Variants in USP7 observed in about 807,000 individuals in gnomAD.
USP7 encodes the protein ubiquitin specific peptidase 7, also known as ubiquitin C-terminal hydrolase 7.
Under a neutral mutation model 162.9 loss-of-function variants are expected in USP7, and 9 were observed. That is an observed-to-expected ratio of 0.06 (90% confidence interval 0.03 to 0.10). USP7 has a LOEUF of 0.10. Ranked by LOEUF, USP7 falls within the 10% of genes least tolerant of loss-of-function variation. USP7 has a pLI of 1.00. For missense variants in USP7, 715 were observed against 1,373.7 expected (o/e 0.52, Z 7.58); for synonymous variants, 562 against 475.9 (o/e 1.18, Z -2.35).
At chr16:8,899,073 G>A (rs1178828708) in intron 23 of USP7, 48 bp downstream of exon 23, 5 of 1,577,952 alleles carry the variant, frequency 3.2e-6, no homozygotes, top group South Asian at 1.1e-5. Context: ...AATGAACTGT[G>A]GAAAGCATGC....
intron 12 of USP7, among the ~76,000 whole-genome samples, chr16:8,907,957 A>G (rs75172776): frequency 0.06 from 9,170 of 152,376 alleles, 316 homozygotes; most frequent in Middle Eastern, 0.15. Flanking sequence ...GGAAAATCCT[A>G]TTTAAACGAA....
At chr16:8,948,709 A>T (rs1029767404) in intron 1 of USP7, among the ~76,000 whole-genome samples, 1 of 152,218 alleles carries the variant, frequency 6.6e-6, no homozygotes, top group African/African-American at 2.4e-5. Context: ...TATTAAGCTA[A>T]GTAAAAGCAG....
In USP7 at chr16:8,930,327, A is replaced by G. The variant is rs375623311; in HGVS notation, c.150T>C (p.Asp50=). 1.4e-5 allele frequency: 22 copies of G among 1,613,624 alleles called. No individual in the cohort carries two copies. Among genetic ancestry groups the G allele is most frequent in the Admixed American group, 1.0e-4 (6 of 59,950 alleles). Residue 50 remains aspartate, a synonymous_variant, in exon 2 of 31, where the codon GAT becomes GAC. Transcript: ENST00000344836. ...PVINGNVALS[D]GHNTAEEDME... is the part of the protein sequence containing the mutation. Reference sequence around the variant, plus strand: ...TGTCCTCCTCCGCGGTGTTGTGTCCATCACTCAGGGCCACATTCCCATTGA... The same window carrying G: ...TGTCCTCCTCCGCGGTGTTGTGTCCGTCACTCAGGGCCACATTCCCATTGA...
intron 1 of USP7, among the ~76,000 whole-genome samples, chr16:8,947,674 T>C (rs1899351769): frequency 6.6e-6 from 1 of 152,210 alleles, no homozygotes; most frequent in Non-Finnish European, 1.5e-5. Flanking sequence ...GGCCTTAATT[T>C]CTATATGGTA....
chr16:8,953,274 G>C (rs561545766), intron 1 of USP7, among the ~76,000 whole-genome samples: 3 of 152,004 alleles, frequency 2.0e-5, no homozygotes, highest in Non-Finnish European at 4.4e-5. Flanking sequence ...ACGTGTTCAG[G>C]GCTCCTTCAC....
rs778997569 is a variant in USP7 at position 8,910,814 on chromosome 16, A to G, written c.1092T>C (p.Phe364=). 3.1e-6 allele frequency: 5 copies of G among 1,613,820 alleles called. No homozygotes were observed. The African/African-American group carries it at 6.7e-5, about 22-fold the overall frequency. The change falls in exon 11 of 31, where the codon TTT becomes TTC. Residue 364 remains phenylalanine (F), a synonymous_variant. Transcript: ENST00000344836. ...IKGKKNIFES[F]VDYVAVEQLD... is the part of the protein sequence containing the mutation. Reference sequence around the variant, plus strand: ...GCTGTTCTACTGCCACATAATCCACAAATGATTCAAATACTTTAAAGAGAG... The same window carrying G: ...GCTGTTCTACTGCCACATAATCCACGAATGATTCAAATACTTTAAAGAGAG...
intron 3 of USP7, among the ~76,000 whole-genome samples, chr16:8,921,873 TAAGCCAAAGA>T (rs1897711701): frequency 1.3e-5 from 2 of 152,162 alleles, no homozygotes; most frequent in East Asian, 3.9e-4. Flanking sequence ...ATACAGCACT[TAAGCCAAAGA>T]AAGTTAAGGT....
intron 1 of USP7, among the ~76,000 whole-genome samples, chr16:8,932,805 G>A (rs955280095): frequency 2.0e-5 from 3 of 152,076 alleles, no homozygotes; most frequent in Non-Finnish European, 2.9e-5. Context: ...AAGCAGGATA[G>A]TGCCTTATCT....
chr16:8,955,465 G>A (rs1899748562), intron 1 of USP7, among the ~76,000 whole-genome samples: 1 of 151,400 alleles, frequency 6.6e-6, no homozygotes, highest in Non-Finnish European at 1.5e-5. Context: ...GCTCACACCT[G>A]TAATCCCAGC....
At chr16:8,916,183 A>G (rs1953044501) in intron 8 of USP7, among the ~76,000 whole-genome samples, 1 of 152,212 alleles carries the variant, frequency 6.6e-6, no homozygotes, top group African/African-American at 2.4e-5. Flanking sequence ...GTGACTCAGG[A>G]CCAACGGGAC....
chr16:8,945,635 A>G (rs1456217130), intron 1 of USP7, among the ~76,000 whole-genome samples: 1 of 152,214 alleles, frequency 6.6e-6, no homozygotes, highest in African/African-American at 2.4e-5. Flanking sequence ...TGTTCTCCCC[A>G]AATTAATCCA....
At chr16:8,897,170 G>A (rs112457721) in intron 25 of USP7, 71 bp from the exon 26 acceptor site, 9 of 1,204,972 alleles carry the variant, frequency 7.5e-6, no homozygotes, top group Non-Finnish European at 8.5e-6. Flanking sequence ...AAGGAAGAGA[G>A]GAGAAAGTTG....
intron 1 of USP7, among the ~76,000 whole-genome samples, chr16:8,934,809 C>T (rs1898593257): frequency 6.6e-6 from 1 of 152,234 alleles, no homozygotes; most frequent in Non-Finnish European, 1.5e-5. Context: ...GTCCCGGCCA[C>T]CAACAGCCCT....
chr16:8,961,679 G>A (rs1357212719), intron 1 of USP7, among the ~76,000 whole-genome samples: 1 of 152,104 alleles, frequency 6.6e-6, no homozygotes, highest in Non-Finnish European at 1.5e-5. Flanking sequence ...CGTGTTATTG[G>A]ATATTTGTCT....
At chr16:8,906,845 GACT>G (rs1386016896) in intron 12 of USP7, among the ~76,000 whole-genome samples, 1 of 152,204 alleles carries the variant, frequency 6.6e-6, no homozygotes, top group Non-Finnish European at 1.5e-5. Flanking sequence ...TCGAGGTTAA[GACT>G]ACTAAGGATA....
intron 1 of USP7, among the ~76,000 whole-genome samples, chr16:8,957,620 G>A (rs1022624167): frequency 4.6e-5 from 7 of 151,602 alleles, no homozygotes; most frequent in Middle Eastern, 3.4e-3. Flanking sequence ...AGCCAAATGT[G>A]GTCACCCTGA....
At position 8,894,535 on chromosome 16, in the gene USP7, G is replaced by T. The variant is rs1567203380; in HGVS notation, c.3202+15C>A. On this transcript the variant is annotated intron_variant, in intron 30 of 30. Transcript: ENST00000344836. ...TGAAACCCACACCAGCCCCCGGGGG[G>T]GGGAGAACCCTTACCGGGCTGTGGC... 1.9e-6 allele frequency: 3 copies of T among 1,610,136 alleles called. No homozygotes were observed.
At chr16:8,907,775 C>T (rs996748424) in intron 12 of USP7, among the ~76,000 whole-genome samples, 1 of 152,206 alleles carries the variant, frequency 6.6e-6, no homozygotes, top group Non-Finnish European at 1.5e-5. Context: ...GATCATGCCA[C>T]TGCACTCCAG....
Position 8,914,342 on chromosome 16 carries a change from A to C in USP7, c.1078+912T>G, listed in dbSNP as rs139013909. On this transcript the variant is annotated intron_variant, in intron 10 of 30. Coordinates refer to ENST00000344836, the MANE Select transcript of USP7 (RefSeq NM_003470.3). ...CTTCCTGATGACTGTGCAATTGATA[A>C]ACCACTTTGGGAATCTCGCTAACTT... Among the ~76,000 whole-genome samples, 568 of 151,990 alleles carry C rather than the reference A, an allele frequency of 3.7e-3. 12 individuals are homozygous for C. The highest frequency in any genetic ancestry group is 0.013 in the African/African-American group (537 of 41,318).
Sources: gnomAD v4.1 joint callset for allele counts (sites outside exome capture counted in the v4.1 genomes callset) on GRCh38, gnomAD v4.1.1 for gene constraint, MANE v1.5 for transcripts, NCBI Gene and HGNC (gene_info 2026-07-23, HGNC 2026-07-21) for gene names.